PELI2: variants seen among roughly 807,000 people sequenced by gnomAD.
The protein encoded by PELI2 is pellino E3 ubiquitin protein ligase family member 2.
PELI2 carries 23 observed loss-of-function variants against 42.3 expected under a neutral mutation model. That is an observed-to-expected ratio of 0.54 (90% CI 0.39 to 0.77). The LOEUF (loss-of-function observed/expected upper bound fraction) is 0.77, where lower values mean the gene tolerates loss of function less well. PELI2 is among the 30% of genes least tolerant of loss of function. PELI2 has a pLI of 0.00. For synonymous variants in PELI2, 245 were observed against 212.2 expected, an observed-to-expected ratio of 1.15 and a Z score of -1.34; for missense variants, 463 against 553.2, an observed-to-expected ratio of 0.84 and a Z score of 1.64.
At position 56,139,826 on chromosome 14, in the gene PELI2, T is replaced by G. The variant is rs544348120; in HGVS notation, c.77+21089T>G. 9.2e-5 allele frequency among the ~76,000 whole-genome samples: 14 copies of G among 152,018 alleles called. No homozygotes were observed. The South Asian group carries it at 1.9e-3, about 20-fold the overall frequency. On this transcript the variant is annotated intron_variant, in intron 1 of 5. Transcript: ENST00000267460. Reference sequence around the variant, plus strand: ...CACACCACTCCCAATTCGGCAGTCTTTATAGCTGGTAAAATTCAGCTCCTT... The same window carrying G: ...CACACCACTCCCAATTCGGCAGTCTGTATAGCTGGTAAAATTCAGCTCCTT...
At chr14:56,237,546 T>C (rs935515378) in intron 2 of PELI2, among the ~76,000 whole-genome samples, 6 of 151,976 alleles carry the variant, frequency 3.9e-5, no homozygotes, top group Admixed American at 3.3e-4. Context: ...CCCATGTGGC[T>C]TCATGTATTT....
At chr14:56,190,008 C>G (rs1449458675) in intron 2 of PELI2, among the ~76,000 whole-genome samples, 1 of 152,174 alleles carries the variant, frequency 6.6e-6, no homozygotes, top group East Asian at 1.9e-4. Flanking sequence ...TTTGCATTCT[C>G]TGGTCTGCTA....
intron 1 of PELI2, among the ~76,000 whole-genome samples, chr14:56,133,167 CATAAT>C (rs1257790317): frequency 6.6e-6 from 1 of 152,100 alleles, no homozygotes; most frequent in African/African-American, 2.4e-5. Context: ...TCATTTTAAA[CATAAT>C]ATATGTGCTT....
intron 2 of PELI2, among the ~76,000 whole-genome samples, chr14:56,237,125 C>T (rs1887826318): frequency 6.6e-6 from 1 of 152,168 alleles, no homozygotes; most frequent in African/African-American, 2.4e-5. Context: ...GCTTTGACTT[C>T]TAATATTCCT....
chr14:56,216,196 T>C (rs1340027286), intron 2 of PELI2, among the ~76,000 whole-genome samples: 3 of 124,906 alleles, frequency 2.4e-5, no homozygotes, highest in African/African-American at 7.7e-5. Context: ...GTTCAGATTT[T>C]ACATTTGTGG....
chr14:56,174,948 A>G lies in PELI2; in HGVS notation c.78-3387A>G, dbSNP rs570448433. Among the ~76,000 whole-genome samples, 7 of 152,204 alleles carry G rather than the reference A, an allele frequency of 4.6e-5. No homozygotes were observed. The East Asian group carries it at 1.2e-3, about 25-fold the overall frequency. On this transcript the variant is annotated intron_variant, in intron 1 of 5. Transcript: ENST00000267460. ...AACTGTGTAGTCCTCCTTGCCTTGC[A>G]CATTATATCACCCCTTCATTCTCCA...
In PELI2 at chr14:56,290,348, A is replaced by G. The variant is rs200466106; in HGVS notation, c.588A>G (p.Arg196=). Residue 196 remains arginine (R), a synonymous_variant, in exon 5 of 6, where the codon CGA becomes CGG. Transcript: ENST00000267460. ...ATGGCGTCCTGGTGATGCATCCACGAGGGGGCTTCACCGAGGAGTCCCAGC... is the reference window on the plus strand; with the variant it reads ...ATGGCGTCCTGGTGATGCATCCACGGGGGGGCTTCACCGAGGAGTCCCAGC... ...TTNGVLVMHP[R]GGFTEESQPG... is the part of the protein sequence containing the mutation. 6.2e-6 allele frequency: 10 copies of G among 1,613,598 alleles called. No homozygotes were observed. Among genetic ancestry groups the G allele is most frequent in the African/African-American group, 1.3e-5 (1 of 74,994 alleles).
At chr14:56,265,777 G>A (rs533901153) in intron 2 of PELI2, among the ~76,000 whole-genome samples, 1 of 152,036 alleles carries the variant, frequency 6.6e-6, no homozygotes, top group African/African-American at 2.4e-5. Context: ...TTGAAAATGG[G>A]CAACAGAATT....
intron 1 of PELI2, among the ~76,000 whole-genome samples, chr14:56,153,368 A>G (rs953958319): frequency 3.3e-5 from 5 of 152,188 alleles, no homozygotes; most frequent in South Asian, 2.1e-4. Context: ...ATTAGAGTCA[A>G]ACTTAAAGAT....
rs1306828927 is a variant in PELI2 at position 56,273,909 on chromosome 14, C to T, written c.208-5767C>T. The stretch of plus-strand genomic sequence containing the variant: ...GGTAGTTCCACGTTTGATTCAGCAT[C>T]TCAAAGATGTCAGGGCTCTGAGCCA... On this transcript the variant is annotated intron_variant, in intron 2 of 5. Coordinates refer to ENST00000267460, the MANE Select transcript of PELI2 (RefSeq NM_021255.3). This position sits in a 1 kb window ranked among gnomAD's most constrained non-coding sequence, Gnocchi z 4.3. 6.6e-6 allele frequency among the ~76,000 whole-genome samples: 1 copy of T among 152,210 alleles called. No homozygotes were observed. The highest frequency in any genetic ancestry group is 1.5e-5 in the Non-Finnish European group (1 of 68,036).
At chr14:56,234,248 T>A (rs1887697839) in intron 2 of PELI2, among the ~76,000 whole-genome samples, 1 of 152,204 alleles carries the variant, frequency 6.6e-6, no homozygotes, top group Non-Finnish European at 1.5e-5. Flanking sequence ...ATCCCATTAC[T>A]GGGTATATAC....
chr14:56,239,828 A>G (rs956081208), intron 2 of PELI2, among the ~76,000 whole-genome samples: 1 of 152,160 alleles, frequency 6.6e-6, no homozygotes, highest in Non-Finnish European at 1.5e-5. Flanking sequence ...ACTTTCAGCA[A>G]ATTCCCCGAG....
At chr14:56,249,468 A>G (rs969656638) in intron 2 of PELI2, among the ~76,000 whole-genome samples, 21 of 152,102 alleles carry the variant, frequency 1.4e-4, no homozygotes. Context: ...ATCCCCACCA[A>G]AGACCACTTC....
intron 2 of PELI2, among the ~76,000 whole-genome samples, chr14:56,208,876 G>A (rs545766937): frequency 1.3e-5 from 2 of 152,226 alleles, no homozygotes; most frequent in Admixed American, 1.3e-4. Context: ...TGGGTATTTG[G>A]CAACCATTTT....
In PELI2 at chr14:56,273,424, G is replaced by C. The variant is rs1169522582; in HGVS notation, c.208-6252G>C. Among the ~76,000 whole-genome samples, 1 of 152,220 alleles carries C rather than the reference G, an allele frequency of 6.6e-6. No individual in the cohort carries two copies. Among genetic ancestry groups the C allele is most frequent in the Non-Finnish European group, 1.5e-5 (1 of 68,042 alleles). ...GCTACTGAAGCCAGCCCAGATGCCA[G>C]ATGATACATGATGATTGCACAAAAG... On this transcript the variant is annotated intron_variant, in intron 2 of 5. Coordinates refer to ENST00000267460, the MANE Select transcript of PELI2 (RefSeq NM_021255.3). This position sits in a 1 kb window ranked among gnomAD's most constrained non-coding sequence, Gnocchi z 4.3.
At chr14:56,152,921 A>G (rs1022821374) in intron 1 of PELI2, among the ~76,000 whole-genome samples, 1 of 152,158 alleles carries the variant, frequency 6.6e-6, no homozygotes, top group African/African-American at 2.4e-5. Flanking sequence ...TTTTTCTGCA[A>G]GACATCATCC....
chr14:56,163,717 CT>C (rs1884849147), intron 1 of PELI2, among the ~76,000 whole-genome samples: 1 of 151,840 alleles, frequency 6.6e-6, no homozygotes, highest in Non-Finnish European at 1.5e-5. Context: ...CATGGGATGT[CT>C]TTTCATTTTT....
chr14:56,179,701 C>G lies in PELI2; in HGVS notation c.207+1237C>G, dbSNP rs1885514837. ...GGAAGAGGTAAAATAACAACAGAAT[C>G]TTAAGAGGTCAAGGAAGTAGGAGAA... On this transcript the variant is annotated intron_variant, in intron 2 of 5. Coordinates refer to ENST00000267460, the MANE Select transcript of PELI2 (RefSeq NM_021255.3). 2.0e-5 allele frequency among the ~76,000 whole-genome samples: 3 copies of G among 152,138 alleles called. No individual in the cohort carries two copies. The South Asian group carries it at 6.2e-4, about 32-fold the overall frequency.
At chr14:56,223,393 C>T (rs1023260039) in intron 2 of PELI2, among the ~76,000 whole-genome samples, 1 of 152,172 alleles carries the variant, frequency 6.6e-6, no homozygotes, top group South Asian at 2.1e-4. Flanking sequence ...CCCCTTGACT[C>T]ATATGGGGGT....
Sources: gnomAD v4.1 joint callset for allele counts (sites outside exome capture counted in the v4.1 genomes callset) on GRCh38, gnomAD v4.1.1 for gene constraint, Gnocchi (gnomAD v3.1) non-coding constraint, MANE v1.5 for transcripts, NCBI Gene and HGNC (gene_info 2026-07-23, HGNC 2026-07-21) for gene names.